DNAH11: variants seen among roughly 807,000 people sequenced by gnomAD.
DNAH11 encodes the protein dynein axonemal heavy chain 11.
A neutral mutation model predicts 526.0 loss-of-function variants in DNAH11; 442 were observed. The observed-to-expected ratio is 0.84, with a 90% CI of 0.78 to 0.91. The LOEUF is 0.91. DNAH11 is among the 40% of genes least tolerant of loss of function. The probability of loss-of-function intolerance (pLI) is 0.00; values close to 1 mark genes in which losing one functional copy is unlikely to be tolerated. For synonymous variants in DNAH11, 2,461 were observed against 1,935.9 expected (o/e 1.27, Z -7.12); for missense variants, 6,989 against 5,448.7 (o/e 1.28, Z -8.90).
At chr7:21,864,259 G>A (rs757268280) in intron 69 of DNAH11, among the ~76,000 whole-genome samples, 20 of 152,126 alleles carry the variant, frequency 1.3e-4, no homozygotes, top group Non-Finnish European at 1.6e-4. Flanking sequence ...CACTTAATAC[G>A]AATGCATATT....
intron 18 of DNAH11, among the ~76,000 whole-genome samples, chr7:21,602,565 G>A (rs1299527124): frequency 3.7e-5 from 1 of 26,826 alleles, no homozygotes; most frequent in African/African-American, 9.0e-5. Context: ...GATTGTGTGT[G>A]TGTGTGTGTG....
rs1049526550 is a variant in DNAH11, at chr7:21,704,447, C to T, written c.6287C>T (p.Ala2096Val). The T allele has an allele frequency of 2.5e-6, 4 of 1,613,082 alleles. No individual in the cohort carries two copies. The African/African-American group carries it at 5.3e-5, about 22-fold the overall frequency. ...TTTTTTTTCTAGGTACTCATGAGAG[C>T]ATTAAGGGATTTCAATATGCCCAAA... ...NRPEDQVLMRALRDFNMPKIV... is the reference protein window; with the variant it reads ...NRPEDQVLMRVLRDFNMPKIV... The change falls in exon 38 of 82, where the codon GCA becomes GTA. Residue 2096 changes from alanine (A) to valine (V), a missense_variant. Transcript: ENST00000409508.
intron 20 of DNAH11, among the ~76,000 whole-genome samples, chr7:21,612,769 T>C (rs1037661061): frequency 1.3e-5 from 2 of 152,152 alleles, no homozygotes; most frequent in African/African-American, 4.8e-5. Context: ...CACGTACATA[T>C]AGATACAAAC....
intron 14 of DNAH11, among the ~76,000 whole-genome samples, chr7:21,592,952 G>T (rs2128444268): frequency 6.6e-6 from 1 of 152,292 alleles, no homozygotes; most frequent in East Asian, 1.9e-4. Flanking sequence ...ATTTTGAGTA[G>T]ACTAGAATTG....
At chr7:21,885,106 AAG>A (rs1426877021) in intron 76 of DNAH11, among the ~76,000 whole-genome samples, 1 of 132,516 alleles carries the variant, frequency 7.5e-6, no homozygotes, top group Non-Finnish European at 1.7e-5. Flanking sequence ...AGTAAAAAAA[AAG>A]ATTATATATA....
In DNAH11 at chr7:21,867,866, G is replaced by T. The variant is rs567097202; in HGVS notation, c.11698G>T (p.Val3900Leu). Residue 3900 changes from valine to leucine, a missense_variant, in exon 72 of 82, where the codon GTA (valine) becomes TTA (leucine). Physicochemically the swap from Val to Leu is conservative, Grantham distance 32. Transcript: ENST00000409508. The part of the protein sequence containing the change: ...DRMTYALRNF[V>L]EEKLGAKYVE... ...TATTCTTGTTTTTTATAGAAATTTTGTAGAGGAAAAACTGGGTGCGAAGTA... is the reference window on the plus strand; with the variant it reads ...TATTCTTGTTTTTTATAGAAATTTTTTAGAGGAAAAACTGGGTGCGAAGTA... 2 of 1,570,264 alleles carry T rather than the reference G, an allele frequency of 1.3e-6. No individual in the cohort carries two copies. Among genetic ancestry groups the T allele is most frequent in the South Asian group, 1.2e-5 (1 of 85,322 alleles).
At position 21,745,030 on chromosome 7, in the gene DNAH11, A is replaced by C. The variant is rs754365174; in HGVS notation, c.8477A>C (p.His2826Pro). 6.2e-7 allele frequency: 1 copy of C among 1,609,326 alleles called. No individual in the cohort carries two copies. Among genetic ancestry groups the C allele is most frequent in the Non-Finnish European group, 8.5e-7 (1 of 1,177,864 alleles). The change falls in exon 51 of 82, where the codon CAC becomes CCC. Residue 2826 changes from histidine to proline, a missense_variant. His to Pro is a moderately conservative substitution (Grantham distance 77, BLOSUM62 -2). Transcript: ENST00000409508. The part of the protein sequence containing the change: ...DNYNELNAAM[H>P]LVLFEDAMQH... ...TACAATGAACTAAATGCTGCCATGC[A>C]CCTAGTTTTGTTTGAAGATGCCATG... is the stretch of plus-strand genomic sequence containing the variant.
intron 79 of DNAH11, among the ~76,000 whole-genome samples, chr7:21,897,085 G>A (rs535013110): frequency 1.3e-4 from 20 of 152,036 alleles, no homozygotes; most frequent in Non-Finnish European, 1.6e-4. Flanking sequence ...AAAAAATAAA[G>A]TATATTTCAT....
chr7:21,616,597 G>A (rs960854910), intron 22 of DNAH11, among the ~76,000 whole-genome samples: 1 of 152,100 alleles, frequency 6.6e-6, no homozygotes, highest in African/African-American at 2.4e-5. Flanking sequence ...TCAGGCTTCT[G>A]AAAGCTTTTG....
chr7:21,769,510 A>C (rs1787331757), intron 55 of DNAH11, among the ~76,000 whole-genome samples: 1 of 149,400 alleles, frequency 6.7e-6, no homozygotes, highest in South Asian at 2.1e-4. Context: ...TTTGAGAGGG[A>C]GTCTCACTCT....
rs766376406 is a variant in DNAH11, at chr7:21,620,000, T to C, written c.4422T>C (p.Ser1474=). 3.7e-6 allele frequency: 6 copies of C among 1,609,246 alleles called. No individual in the cohort carries two copies. The highest frequency in any genetic ancestry group is 5.1e-6 in the Non-Finnish European group (6 of 1,178,484). ...AGACCTGGGCAACCATGAAGTTTTCTTACGAAGTTCACTATCGAACAGGCA... is the reference window on the plus strand; with the variant it reads ...AGACCTGGGCAACCATGAAGTTTTCCTACGAAGTTCACTATCGAACAGGCA... The part of the protein sequence containing the change: ...ISQTWATMKF[S]YEVHYRTGIP... The change falls in exon 25 of 82, where the codon TCT becomes TCC. Residue 1474 remains serine, a synonymous_variant. Transcript: ENST00000409508.
At chr7:21,644,311 G>T (rs1218477557) in intron 28 of DNAH11, among the ~76,000 whole-genome samples, 4 of 152,306 alleles carry the variant, frequency 2.6e-5, no homozygotes, top group African/African-American at 7.2e-5. Context: ...CTTCCTGATA[G>T]AGTAAAAGTG....
In DNAH11 at chr7:21,614,325, A is replaced by T. The variant is rs568416539; in HGVS notation, c.3853-789A>T. The stretch of plus-strand genomic sequence containing the variant: ...CTAGTATAATGTCTAAACGTGATCA[A>T]TCAACAAAGAGCAGCTTGAGCACAG... On this transcript the variant is annotated intron_variant, in intron 20 of 81. Transcript: ENST00000409508. Among the ~76,000 whole-genome samples the T allele has an allele frequency of 2.0e-5, 3 of 152,332 alleles. No homozygotes were observed. In the East Asian group the frequency reaches 5.8e-4, roughly 29 times the overall value.
intron 28 of DNAH11, among the ~76,000 whole-genome samples, chr7:21,650,930 G>A (rs556429321): frequency 6.8e-6 from 1 of 148,012 alleles, no homozygotes; most frequent in South Asian, 2.2e-4. Flanking sequence ...GTAAGCCACC[G>A]TGCCGGGCCC....
intron 34 of DNAH11, among the ~76,000 whole-genome samples, chr7:21,689,902 C>T (rs1783539676): frequency 6.6e-6 from 1 of 152,200 alleles, no homozygotes; most frequent in South Asian, 2.1e-4. Flanking sequence ...CTCAATATGG[C>T]TCCCATAGCA....
intron 69 of DNAH11, 78 bp downstream of exon 69, chr7:21,862,101 G>A: frequency 7.5e-7 from 1 of 1,339,134 alleles, no homozygotes. Context: ...TTTTATTTCT[G>A]CTGAAGCAAA....
chr7:21,546,515 G>A (rs928701791), intron 2 of DNAH11, among the ~76,000 whole-genome samples: 2 of 152,174 alleles, frequency 1.3e-5, no homozygotes, highest in Admixed American at 1.3e-4. Context: ...TCTACTATCT[G>A]TGTCTGGCAA....
At chr7:21,545,511 A>C (rs528341154) in intron 2 of DNAH11, among the ~76,000 whole-genome samples, 1 of 152,230 alleles carries the variant, frequency 6.6e-6, no homozygotes, top group African/African-American at 2.4e-5. Flanking sequence ...CTTCACATTC[A>C]GAGTAGAGAC....
chr7:21,721,952 A>G (rs1056845198), intron 44 of DNAH11, among the ~76,000 whole-genome samples: 1 of 152,140 alleles, frequency 6.6e-6, no homozygotes, highest in Non-Finnish European at 1.5e-5. Context: ...CTGAAAGTGA[A>G]ATATTCATGC....
Sources: allele counts gnomAD v4.1 joint callset (sites outside exome capture counted in the v4.1 genomes callset), GRCh38; gene constraint gnomAD v4.1.1; transcripts MANE v1.5; gene names NCBI Gene and HGNC (gene_info 2026-07-23, HGNC 2026-07-21).